FAM13A: variants seen among roughly 807,000 people sequenced by gnomAD.
The protein encoded by FAM13A is family with sequence similarity 13 member A, also known as protein FAM13A.
In FAM13A, 76 loss-of-function variants were observed where a neutral mutation model predicts 129.6. The observed-to-expected ratio is 0.59, with a 90% confidence interval of 0.49 to 0.71. FAM13A has a LOEUF of 0.71. FAM13A is among the 30% of genes least tolerant of loss of function. FAM13A has a pLI of 0.00. For missense variants in FAM13A, 1,108 were observed against 1,249.3 expected (o/e 0.89, Z 1.70); for synonymous variants, 443 against 449.9 (o/e 0.98, Z 0.20).
intron 6 of FAM13A, among the ~76,000 whole-genome samples, chr4:88,902,975 TAATG>T (rs1478868125): frequency 6.6e-6 from 1 of 151,918 alleles, no homozygotes; most frequent in African/African-American, 2.4e-5. Context: ...CAGAGCCAAA[TAATG>T]AATGAACTCC....
intron 1 of FAM13A, chr4:89,029,933 A>T (rs1768471775): frequency 2.8e-6 from 1 of 360,112 alleles, no homozygotes; most frequent in South Asian, 3.8e-5. Flanking sequence ...ACAGTAACCA[A>T]GGGGTGTGAC....
intron 3 of FAM13A, among the ~76,000 whole-genome samples, chr4:88,996,709 C>A (rs1414392270): frequency 6.6e-6 from 1 of 151,860 alleles, no homozygotes. Context: ...AATAAGATTG[C>A]CAGGAAGGTC....
rs1195434201 is a variant in FAM13A at position 88,945,998 on chromosome 4, A to ATGTG, written c.606-7758_606-7757insCACA. Among the ~76,000 whole-genome samples the ATGTG allele has an allele frequency of 3.6e-3, 250 of 70,090 alleles. 6 individuals are homozygous for ATGTG. The highest frequency in any genetic ancestry group is 0.018 in the Middle Eastern group (2 of 112). 46.0% of individuals were successfully genotyped at this position (70,090 alleles called of 152,430 possible). A position where few individuals can be genotyped will look rare whatever the true frequency, so the allele number is the denominator to read the frequency against. On this transcript the variant is annotated intron_variant, in intron 4 of 23. Transcript: ENST00000264344. ...TGTGTGTGTGTGTGTGTGTATATAT[A>ATGTG]TATATATATATATATATATATATAT...
intron 4 of FAM13A, among the ~76,000 whole-genome samples, chr4:88,970,854 A>T (rs1290655908): frequency 2.6e-5 from 4 of 152,218 alleles, no homozygotes; most frequent in African/African-American, 9.6e-5. Flanking sequence ...GAAATTAATG[A>T]CTTGGAAATA....
intron 4 of FAM13A, among the ~76,000 whole-genome samples, chr4:88,968,096 T>C (rs916473690): frequency 6.6e-6 from 1 of 152,190 alleles, no homozygotes; most frequent in African/African-American, 2.4e-5. Flanking sequence ...ATGTGGAAGA[T>C]TGGTAAGCCT....
chr4:88,884,731 T>C (rs991740419), intron 6 of FAM13A, among the ~76,000 whole-genome samples: 4 of 152,094 alleles, frequency 2.6e-5, no homozygotes, highest in Non-Finnish European at 5.9e-5. Flanking sequence ...GATGATCTGA[T>C]TGTATATCTA....
intron 7 of FAM13A, among the ~76,000 whole-genome samples, chr4:88,845,976 A>C (rs984084923): frequency 6.6e-6 from 1 of 152,240 alleles, no homozygotes; most frequent in Non-Finnish European, 1.5e-5. Context: ...TAACATAAGC[A>C]GACATTTTCT....
chr4:89,004,409 G>A (rs778881272), intron 3 of FAM13A, among the ~76,000 whole-genome samples: 2 of 152,192 alleles, frequency 1.3e-5, no homozygotes, highest in Non-Finnish European at 2.9e-5. Flanking sequence ...AGAGTGCTGG[G>A]ATTACAGGCG....
Position 88,739,026 on chromosome 4 carries a change from TCA to T in FAM13A, c.2562+2_2562+3del. 6.2e-7 allele frequency: 1 copy of T among 1,601,766 alleles called. No homozygotes were observed. The highest frequency in any genetic ancestry group is 8.6e-7 in the Non-Finnish European group (1 of 1,168,804). ...TACCAGCCACGGGAAGGTATTCTACTCACAATGATGGGTATGGTGTTAGCTCG... is the reference window on the plus strand; with the variant it reads ...TACCAGCCACGGGAAGGTATTCTACTCAATGATGGGTATGGTGTTAGCTCG... On this transcript the variant is annotated splice_donor_variant and splice_donor_region_variant and intron_variant, in intron 20 of 23. Transcript: ENST00000264344. LOFTEE classifies it high-confidence loss of function.
chr4:88,961,346 CCT>C (rs1758572116), intron 4 of FAM13A, among the ~76,000 whole-genome samples: 1 of 89,326 alleles, frequency 1.1e-5, no homozygotes, highest in Non-Finnish European at 2.3e-5. Flanking sequence ...GTGGAATTTG[CCT>C]TTTTTTTTTT....
chr4:88,823,340 C>T, intron 7 of FAM13A: 2 of 1,095,024 alleles, frequency 1.8e-6, no homozygotes, highest in Non-Finnish European at 2.2e-6. Context: ...TCCCCCGCAC[C>T]CTACTCCTTC....
intron 19 of FAM13A, among the ~76,000 whole-genome samples, chr4:88,741,425 C>T (rs2149435749): frequency 6.6e-6 from 1 of 152,182 alleles, no homozygotes; most frequent in Middle Eastern, 3.4e-3. Flanking sequence ...ACATAAAGGT[C>T]AAAAATAAGA....
intron 4 of FAM13A, among the ~76,000 whole-genome samples, chr4:88,959,216 A>G (rs1393466888): frequency 6.6e-6 from 1 of 152,214 alleles, no homozygotes; most frequent in Admixed American, 6.5e-5. Flanking sequence ...GGAAGGCATG[A>G]TTGTATTCTG....
chr4:88,913,518 G>T (rs1386270983), intron 5 of FAM13A, among the ~76,000 whole-genome samples: 1 of 150,514 alleles, frequency 6.6e-6, no homozygotes, highest in East Asian at 2.0e-4. Context: ...GGAAGAAGAG[G>T]AGGAGGAGGA....
intron 21 of FAM13A, chr4:88,736,252 G>A (rs1738958723): frequency 6.6e-6 from 1 of 152,156 alleles, no homozygotes; most frequent in African/African-American, 2.4e-5. Context: ...AATACAGTGA[G>A]CACAGTCATT....
intron 4 of FAM13A, among the ~76,000 whole-genome samples, chr4:88,957,556 G>T: frequency 6.6e-6 from 1 of 152,140 alleles, no homozygotes; most frequent in South Asian, 2.1e-4. Flanking sequence ...ATAGAAAATT[G>T]GTACCAAGGA....
chr4:88,740,555 GTCTC>G (rs1740022362), intron 19 of FAM13A, among the ~76,000 whole-genome samples: 1 of 152,200 alleles, frequency 6.6e-6, no homozygotes, highest in African/African-American at 2.4e-5. Context: ...TTAGCTGTTT[GTCTC>G]CTGCATTCTC....
chr4:88,761,349 A>G (rs956566690), intron 13 of FAM13A, among the ~76,000 whole-genome samples: 1 of 152,200 alleles, frequency 6.6e-6, no homozygotes, highest in Non-Finnish European at 1.5e-5. Context: ...ATTGCTAGAG[A>G]GGGGAATAGG....
intron 6 of FAM13A, among the ~76,000 whole-genome samples, chr4:88,852,723 C>T (rs1020904601): frequency 2.0e-5 from 3 of 152,082 alleles, no homozygotes; most frequent in Admixed American, 6.6e-5. Context: ...TTAGTAAATA[C>T]TTATTGTGAG....
Sources: allele counts gnomAD v4.1 joint callset (sites outside exome capture counted in the v4.1 genomes callset), GRCh38; gene constraint gnomAD v4.1.1; transcripts MANE v1.5; gene names NCBI Gene and HGNC (gene_info 2026-07-23, HGNC 2026-07-21).